STPG3: variants seen among roughly 807,000 people sequenced by gnomAD.
STPG3 encodes the protein protein STPG3.
Under a neutral mutation model 32.5 loss-of-function variants are expected in STPG3, and 39 were observed. The observed-to-expected ratio is 1.20, with a 90% CI of 0.93 to 1.57. The LOEUF (loss-of-function observed/expected upper bound fraction) is 1.57, where lower values mean the gene tolerates loss of function less well. Ranked by LOEUF, STPG3 falls within the 40% of genes most tolerant of loss-of-function variation. The probability of loss-of-function intolerance (pLI) is 0.00; values close to 1 mark genes in which losing one functional copy is unlikely to be tolerated. For missense variants in STPG3, 507 were observed against 407.6 expected (o/e 1.24, Z -2.10); for synonymous variants, 209 against 172.4 (o/e 1.21, Z -1.66).
chr9:137,253,169 C>T lies in STPG3; in HGVS notation c.851C>T (p.Pro284Leu), dbSNP rs764325050. The T allele has an allele frequency of 1.9e-6, 3 of 1,604,276 alleles. No individual in the cohort carries two copies. Among genetic ancestry groups the T allele is most frequent in the South Asian group, 1.1e-5 (1 of 90,310 alleles). ...GTGGAGGACTGCAACTCACGCTTCC[C>T]TTCGGCGCCTGGCGTGGTCATCCAG... ...YHVEDCNSRFPSAPGVVIQGV... is the reference protein window; with the variant it reads ...YHVEDCNSRFLSAPGVVIQGV... Residue 284 changes from proline to leucine, a missense_variant, in exon 6 of 6, where the codon CCT (proline) becomes CTT (leucine). Pro to Leu is a moderately conservative substitution (Grantham distance 98). Coordinates refer to ENST00000412566, the MANE Select transcript of STPG3 (RefSeq NM_001004353.4).
chr9:137,252,995 G>A lies in STPG3; in HGVS notation c.796+30G>A, dbSNP rs747495429. The A allele has an allele frequency of 5.1e-6, 8 of 1,573,234 alleles. No homozygotes were observed. In the Admixed American group the frequency reaches 1.4e-4, roughly 28 times the overall value. On this transcript the variant is annotated intron_variant, in intron 5 of 5. Transcript: ENST00000412566. ...GGAGGCCTGGAGAGAAGAGGGCTAG[G>A]GATGGGGCATGGGTGGGCAATGTGA...
Position 137,252,022 on chromosome 9 carries a change from T to G in STPG3, c.290T>G (p.Ile97Ser). 6.2e-7 allele frequency: 1 copy of G among 1,612,434 alleles called. No homozygotes were observed. Among genetic ancestry groups the G allele is most frequent in the Non-Finnish European group, 8.5e-7 (1 of 1,179,546 alleles). ...CCAGTGCTGGAGCAACGCCCCCTGA[T>G]CACAGCTGACCTGGAAGTCCCCAGC... ...RELLLEQRPL[I>S]TADLEVPSPT... Residue 97 changes from isoleucine (I) to serine (S), a missense_variant, in exon 3 of 6, where the codon ATC becomes AGC. Transcript: ENST00000412566.
chr9:137,253,135 G>A lies in STPG3; in HGVS notation c.817G>A (p.Ala273Thr), dbSNP rs778435097. 3.2e-6 allele frequency: 5 copies of A among 1,579,648 alleles called. No individual in the cohort carries two copies. The highest frequency in any genetic ancestry group is 2.3e-5 in the South Asian group (2 of 87,408). Reference protein sequence around the residue: ...LSTSRTPGPAAYHVEDCNSRF... With the variant: ...LSTSRTPGPATYHVEDCNSRF... ...GGCAGCCCGAACCCCTGGCCCAGCC[G>A]CCTACCACGTGGAGGACTGCAACTC... is the stretch of plus-strand genomic sequence containing the variant. The change falls in exon 6 of 6, where the codon GCC (alanine) becomes ACC (threonine). Residue 273 changes from alanine to threonine, a missense_variant. Physicochemically the swap from Ala to Thr is moderately conservative, Grantham distance 58 (BLOSUM62 0). Coordinates refer to ENST00000412566, the MANE Select transcript of STPG3 (RefSeq NM_001004353.4).
Position 137,251,812 on chromosome 9 carries a change from A to G in STPG3, c.185A>G (p.Lys62Arg). ...AWDETQPPKMKEIPVGLRLQT... is the reference protein window; with the variant it reads ...AWDETQPPKMREIPVGLRLQT... Reference sequence around the variant, plus strand: ...GATGAGACACAGCCCCCAAAGATGAAGGAGATCCCAGTTGGCCTCAGGTTA... The same window carrying G: ...GATGAGACACAGCCCCCAAAGATGAGGGAGATCCCAGTTGGCCTCAGGTTA... The change falls in exon 2 of 6, where the codon AAG (lysine) becomes AGG (arginine). Residue 62 changes from lysine (K) to arginine (R), a missense_variant. Physicochemically the swap from Lys to Arg is conservative, Grantham distance 26. Transcript: ENST00000412566. 1.2e-6 allele frequency: 2 copies of G among 1,602,108 alleles called. No individual in the cohort carries two copies. Among genetic ancestry groups the G allele is most frequent in the Non-Finnish European group, 1.7e-6 (2 of 1,174,562 alleles).
chr9:137,252,177 C>G, intron 3 of STPG3, 42 bp downstream of exon 3: 1 of 1,579,164 alleles, frequency 6.3e-7, no homozygotes, highest in Non-Finnish European at 8.6e-7. Flanking sequence ...GGGCCTGTCC[C>G]TCACCCTGGG....
rs1392076795 is a variant in STPG3 at position 137,252,651 on chromosome 9, C to T, written c.493-11C>T. ...ACCCTGCCCTGCAGCCCGTCTCCTACCCCCTCGCAGTGGCCCTCGCCAGCC... is the reference window on the plus strand; with the variant it reads ...ACCCTGCCCTGCAGCCCGTCTCCTATCCCCTCGCAGTGGCCCTCGCCAGCC... On this transcript the variant is annotated splice_polypyrimidine_tract_variant and intron_variant, in intron 4 of 5. Transcript: ENST00000412566. The T allele has an allele frequency of 2.6e-6, 4 of 1,536,448 alleles. No individual in the cohort carries two copies. The highest frequency in any genetic ancestry group is 2.0e-5 in the Admixed American group (1 of 50,638).
chr9:137,251,713 C>T (rs1182132107), intron 1 of STPG3, 25 bp from the exon 2 acceptor site: 1 of 1,552,848 alleles, frequency 6.4e-7, no homozygotes. Context: ...GGGGCTGAGA[C>T]AGTGGCTGCT....
In STPG3 at chr9:137,253,227, C is replaced by T; in HGVS notation, c.909C>T (p.Gly303=). Reference sequence around the variant, plus strand: ...GCAGACCCAAGCGCCACGACACAGGCCCCTTCTGCACGCTCTAGAGCCAGC... The same window carrying T: ...GCAGACCCAAGCGCCACGACACAGGTCCCTTCTGCACGCTCTAGAGCCAGC... ...GVRRPKRHDT[G]PFCTL is the part of the protein sequence containing the mutation. The change falls in exon 6 of 6, where the codon GGC becomes GGT. Residue 303 remains glycine (G), a synonymous_variant. Transcript: ENST00000412566. 2.5e-6 allele frequency: 4 copies of T among 1,608,304 alleles called. No homozygotes were observed. Among genetic ancestry groups the T allele is most frequent in the South Asian group, 1.1e-5 (1 of 90,202 alleles).
rs1286130341 is a variant in STPG3, at chr9:137,251,742, A to C, written c.115A>C (p.Lys39Gln). The C allele has an allele frequency of 3.2e-6, 5 of 1,565,386 alleles. No homozygotes were observed. In the South Asian group the frequency reaches 5.9e-5, roughly 18 times the overall value. The change falls in exon 2 of 6, where the codon AAG (lysine) becomes CAG (glutamine). Residue 39 changes from lysine (K) to glutamine (Q), a missense_variant. Physicochemically the swap from Lys to Gln is moderately conservative, Grantham distance 53. Coordinates refer to ENST00000412566, the MANE Select transcript of STPG3 (RefSeq NM_001004353.4). Reference sequence around the variant, plus strand: ...GGCTGCTGGTCTCCCTTGCAGGCCCAAGGCATCTGTGCTGTTGTTGGGCCC... The same window carrying C: ...GGCTGCTGGTCTCCCTTGCAGGCCCCAGGCATCTGTGCTGTTGTTGGGCCC... ...RQTQPEPTQPKASVLLLGPEP... is the reference protein window; with the variant it reads ...RQTQPEPTQPQASVLLLGPEP...
chr9:137,251,649 G>C, intron 1 of STPG3, 89 bp from the exon 2 acceptor site: 3 of 1,474,936 alleles, frequency 2.0e-6, no homozygotes. Context: ...AGCAGCCGGG[G>C]GCTGAGGGAC....
At position 137,251,848 on chromosome 9, in the gene STPG3, C is replaced by T. The variant is rs777874607; in HGVS notation, c.221C>T (p.Thr74Ile). 6 of 1,607,302 alleles carry T rather than the reference C, an allele frequency of 3.7e-6. No individual in the cohort carries two copies. The highest frequency in any genetic ancestry group is 3.4e-6 in the Non-Finnish European group (4 of 1,176,976). Residue 74 changes from threonine to isoleucine, a missense_variant, in exon 2 of 6, where the codon ACC becomes ATC. Thr to Ile is a moderately conservative substitution (Grantham distance 89). Transcript: ENST00000412566. ...GTTGGCCTCAGGTTACAGACGGGCA[C>T]CCCCCAGGAGTCCCTGCCCACCTAC... ...IPVGLRLQTG[T>I]PQESLPTYTQ...
At chr9:137,253,061 G>C in intron 5 of STPG3, 54 bp from the exon 6 acceptor site, 2 of 1,540,858 alleles carry the variant, frequency 1.3e-6, no homozygotes, top group Middle Eastern at 1.8e-4. Flanking sequence ...CTGGGAGCCA[G>C]GTTTGAGTTG....
chr9:137,252,249 T>C (rs1203079069), intron 3 of STPG3, 114 bp downstream of exon 3: 1 of 1,430,980 alleles, frequency 7.0e-7, no homozygotes, highest in Non-Finnish European at 9.5e-7. Flanking sequence ...CACCCTTCCC[T>C]GCGTTCACCT....
chr9:137,253,196 G>C lies in STPG3; in HGVS notation c.878G>C (p.Gly293Ala). The C allele has an allele frequency of 1.2e-6, 2 of 1,609,420 alleles. No individual in the cohort carries two copies. Among genetic ancestry groups the C allele is most frequent in the Non-Finnish European group, 1.7e-6 (2 of 1,178,302 alleles). The change falls in exon 6 of 6, where the codon GGT (glycine) becomes GCT (alanine). Residue 293 changes from glycine (G) to alanine (A), a missense_variant. Coordinates refer to ENST00000412566, the MANE Select transcript of STPG3 (RefSeq NM_001004353.4). The stretch of plus-strand genomic sequence containing the variant: ...TCGGCGCCTGGCGTGGTCATCCAGG[G>C]TGTACGCAGACCCAAGCGCCACGAC... ...FPSAPGVVIQ[G>A]VRRPKRHDTG...
intron 3 of STPG3, 21 bp downstream of exon 3, chr9:137,252,156 G>C: frequency 6.3e-7 from 1 of 1,595,970 alleles, no homozygotes; most frequent in Non-Finnish European, 8.5e-7. Flanking sequence ...CCTCCCTGAG[G>C]CCCAACCACC....
At position 137,253,318 on chromosome 9, in the gene STPG3, C is replaced by G; in HGVS notation, c.*73C>G. ...GGCCTCCCCCGGGGCTTTCCCAGGCCTCCCCTGGGACTTGGGGCCCCAGCC... is the reference window on the plus strand; with the variant it reads ...GGCCTCCCCCGGGGCTTTCCCAGGCGTCCCCTGGGACTTGGGGCCCCAGCC... On this transcript the variant is annotated 3_prime_UTR_variant, in exon 6 of 6. Coordinates refer to ENST00000412566, the MANE Select transcript of STPG3 (RefSeq NM_001004353.4). 1 of 1,554,186 alleles carries G rather than the reference C, an allele frequency of 6.4e-7. No homozygotes were observed. Among genetic ancestry groups the G allele is most frequent in the Non-Finnish European group, 8.7e-7 (1 of 1,150,010 alleles).
intron 4 of STPG3, 64 bp downstream of exon 4, chr9:137,252,589 G>C (rs1341053526): frequency 6.6e-7 from 1 of 1,511,274 alleles, no homozygotes; most frequent in Non-Finnish European, 8.9e-7. Context: ...GGTTCCAGTG[G>C]GGCCAAAGGG....
chr9:137,251,834 G>A lies in STPG3; in HGVS notation c.207G>A (p.Arg69=). 2 of 1,606,840 alleles carry A rather than the reference G, an allele frequency of 1.2e-6. No individual in the cohort carries two copies. Among genetic ancestry groups the A allele is most frequent in the African/African-American group, 1.3e-5 (1 of 74,870 alleles). ...TGAAGGAGATCCCAGTTGGCCTCAG[G>A]TTACAGACGGGCACCCCCCAGGAGT... ...PKMKEIPVGL[R]LQTGTPQESL... Residue 69 remains arginine, a synonymous_variant, in exon 2 of 6, where the codon AGG becomes AGA. Transcript: ENST00000412566.
chr9:137,252,983 G>A lies in STPG3; in HGVS notation c.796+18G>A, dbSNP rs758473564. 2.5e-6 allele frequency: 4 copies of A among 1,584,394 alleles called. No homozygotes were observed. The African/African-American group carries it at 4.0e-5, about 16-fold the overall frequency. On this transcript the variant is annotated intron_variant, in intron 5 of 5. Coordinates refer to ENST00000412566, the MANE Select transcript of STPG3 (RefSeq NM_001004353.4). Reference sequence around the variant, plus strand: ...CAGCACCTGTAAGGAGGCCTGGAGAGAAGAGGGCTAGGGATGGGGCATGGG... The same window carrying A: ...CAGCACCTGTAAGGAGGCCTGGAGAAAAGAGGGCTAGGGATGGGGCATGGG...
Sources: gnomAD v4.1 joint callset for allele counts on GRCh38, gnomAD v4.1.1 for gene constraint, MANE v1.5 for transcripts, NCBI Gene and HGNC (gene_info 2026-07-23, HGNC 2026-07-21) for gene names.